Variants in CASTOR2 observed in about 807,000 individuals in gnomAD.
CASTOR2 encodes GATS protein like 2.
A neutral mutation model predicts 31.2 loss-of-function variants in CASTOR2; 8 were observed. The observed-to-expected ratio is 0.26, with a 90% CI of 0.15 to 0.46. The LOEUF is 0.46. Ranked by LOEUF, CASTOR2 falls within the 20% of genes least tolerant of loss-of-function variation. The pLI is 0.99. For synonymous variants in CASTOR2, 162 were observed against 158.7 expected (o/e 1.02, Z -0.16); for missense variants, 216 against 382.1 (o/e 0.57, Z 3.62).
At chr7:74,997,693 A>G in intron 1 of CASTOR2, among the ~76,000 whole-genome samples, 1 of 150,558 alleles carries the variant, frequency 6.6e-6, no homozygotes, top group East Asian at 1.9e-4. Context: ...CCCCAAAGTG[A>G]TGGGATTACA....
At chr7:75,004,021 C>G (rs1385879955) in intron 1 of CASTOR2, among the ~76,000 whole-genome samples, 2 of 152,136 alleles carry the variant, frequency 1.3e-5, no homozygotes, top group Non-Finnish European at 2.9e-5. Context: ...ATAATTTGTG[C>G]GGTCTATTTC....
At chr7:74,990,025 A>T (rs1461412836) in intron 1 of CASTOR2, among the ~76,000 whole-genome samples, 2 of 152,070 alleles carry the variant, frequency 1.3e-5, no homozygotes, top group Non-Finnish European at 2.9e-5. Flanking sequence ...GTAAACGCTG[A>T]GTTTGGGGTT....
intron 1 of CASTOR2, among the ~76,000 whole-genome samples, chr7:74,970,020 TG>T (rs1554434947): frequency 6.7e-6 from 1 of 149,824 alleles, no homozygotes; most frequent in East Asian, 2.0e-4. Context: ...GAAACAGAAT[TG>T]GGATTTGAAC....
At chr7:74,985,419 A>G (rs1393373760) in intron 1 of CASTOR2, among the ~76,000 whole-genome samples, 13 of 151,778 alleles carry the variant, frequency 8.6e-5, no homozygotes, top group Non-Finnish European at 1.6e-4. Flanking sequence ...CATCTCTACA[A>G]AAAAATATAC....
chr7:75,017,249 C>A (rs1485447793), intron 2 of CASTOR2, among the ~76,000 whole-genome samples: 1 of 152,122 alleles, frequency 6.6e-6, no homozygotes, highest in African/African-American at 2.4e-5. Flanking sequence ...GAGATTGAGA[C>A]CATCCTGGCC....
intron 1 of CASTOR2, among the ~76,000 whole-genome samples, chr7:74,996,065 G>T (rs1367459007): frequency 2.0e-5 from 3 of 152,080 alleles, no homozygotes; most frequent in Non-Finnish European, 2.9e-5. Context: ...TGGGGTGTGT[G>T]TTGGGGTGCT....
chr7:74,975,252 G>A lies in CASTOR2; in HGVS notation c.113+10154G>A, dbSNP rs1409027538. Reference sequence around the variant, plus strand: ...CAACGTGCTGGGATTACAGGCATGAGCACTGCGCCTGGCCAACTGTGGTAG... The same window carrying A: ...CAACGTGCTGGGATTACAGGCATGAACACTGCGCCTGGCCAACTGTGGTAG... On this transcript the variant is annotated intron_variant, in intron 1 of 8. Coordinates refer to ENST00000616305, the MANE Select transcript of CASTOR2 (RefSeq NM_001145064.3). Among the ~76,000 whole-genome samples, 6 of 151,510 alleles carry A rather than the reference G, an allele frequency of 4.0e-5. No homozygotes were observed. The South Asian group carries it at 1.0e-3, about 26-fold the overall frequency.
intron 1 of CASTOR2, among the ~76,000 whole-genome samples, chr7:75,006,653 G>A (rs1397081826): frequency 2.0e-5 from 3 of 152,156 alleles, no homozygotes; most frequent in African/African-American, 4.8e-5. Flanking sequence ...CACGTGTCAA[G>A]GGTGGGGGCA....
chr7:75,004,467 C>T (rs1485667600), intron 1 of CASTOR2, among the ~76,000 whole-genome samples: 127,090 of 144,366 alleles, frequency 0.88, 55,969 homozygotes, highest in East Asian at 0.97. Context: ...TTTTTTTTTT[C>T]CCCCCGAGAT....
At chr7:74,972,422 A>C (rs1477459513) in intron 1 of CASTOR2, among the ~76,000 whole-genome samples, 1 of 151,134 alleles carries the variant, frequency 6.6e-6, no homozygotes, top group East Asian at 1.9e-4. Flanking sequence ...TGCTCAGCCA[A>C]GCAGCACCCT....
At chr7:75,021,052 C>T (rs1288092658) in intron 6 of CASTOR2, among the ~76,000 whole-genome samples, 8 of 151,894 alleles carry the variant, frequency 5.3e-5, no homozygotes, top group African/African-American at 1.4e-4. Flanking sequence ...AGTGCAGTGG[C>T]GCGATCTCAG....
At chr7:74,996,450 T>C (rs1203140533) in intron 1 of CASTOR2, among the ~76,000 whole-genome samples, 10 of 151,998 alleles carry the variant, frequency 6.6e-5, no homozygotes, top group Non-Finnish European at 1.3e-4. Context: ...CAATTCATAG[T>C]GTCAGGGCAG....
Position 75,028,401 on chromosome 7 carries a change from A to G in CASTOR2, c.*3702A>G, listed in dbSNP as rs977144023. 5.9e-5 allele frequency among the ~76,000 whole-genome samples: 9 copies of G among 152,084 alleles called. No homozygotes were observed. The highest frequency in any genetic ancestry group is 1.3e-4 in the Admixed American group (2 of 15,254). On this transcript the variant is annotated 3_prime_UTR_variant, in exon 9 of 9. Transcript: ENST00000616305. ...CTCCCGAAGTGCTGGGATTACAGGC[A>G]TGAGCCACCGTGCCCGGCCTCATGG...
rs1804932729 is a variant in CASTOR2, at chr7:75,019,087, C to T, written c.627C>T (p.Tyr209=). The change falls in exon 5 of 9, where the codon TAC becomes TAT. Residue 209 remains tyrosine, a synonymous_variant. Transcript: ENST00000616305. Reference sequence around the variant, plus strand: ...CACTCCTCATGGATGTCATGTTCTACTCCAATGGGTAGGGCTGCCTTGGGC... The same window carrying T: ...CACTCCTCATGGATGTCATGTTCTATTCCAATGGGTAGGGCTGCCTTGGGC... ...VATLLMDVMF[Y]SNGVKDPMAT... 3.9e-6 allele frequency: 6 copies of T among 1,551,730 alleles called. No individual in the cohort carries two copies. Among genetic ancestry groups the T allele is most frequent in the Middle Eastern group, 1.7e-4 (1 of 6,008 alleles).
chr7:75,018,911 C>T, intron 4 of CASTOR2, 61 bp from the exon 5 acceptor site: 1 of 1,551,552 alleles, frequency 6.4e-7, no homozygotes, highest in Non-Finnish European at 8.7e-7. Flanking sequence ...AGGCCCTGCA[C>T]CCACCAGAGC....
At chr7:74,979,020 A>G (rs1332357512) in intron 1 of CASTOR2, among the ~76,000 whole-genome samples, 2 of 151,280 alleles carry the variant, frequency 1.3e-5, no homozygotes, top group African/African-American at 4.9e-5. Context: ...TACAAAATGT[A>G]GCTGGGCATA....
intron 1 of CASTOR2, among the ~76,000 whole-genome samples, chr7:74,988,577 G>A (rs1400806029): frequency 2.6e-5 from 4 of 152,136 alleles, no homozygotes; most frequent in Non-Finnish European, 4.4e-5. Flanking sequence ...GATTACAGGC[G>A]TGAGCCACCG....
intron 1 of CASTOR2, among the ~76,000 whole-genome samples, chr7:74,989,524 C>T (rs1174694058): frequency 1.3e-5 from 2 of 151,756 alleles, no homozygotes; most frequent in Admixed American, 1.3e-4. Flanking sequence ...CAGGCTCGAG[C>T]AATCCTCCCA....
At chr7:74,981,689 A>G (rs2523318) in intron 1 of CASTOR2, among the ~76,000 whole-genome samples, 20 of 151,022 alleles carry the variant, frequency 1.3e-4, no homozygotes, top group South Asian at 6.2e-4. Flanking sequence ...GGCCTCCTAA[A>G]GTGCTGGGAT....
Sources: allele counts gnomAD v4.1 joint callset (sites outside exome capture counted in the v4.1 genomes callset), GRCh38; gene constraint gnomAD v4.1.1; transcripts MANE v1.5; gene names NCBI Gene and HGNC (gene_info 2026-07-23, HGNC 2026-07-21).